CACNA2D2: variants seen among roughly 807,000 people sequenced by gnomAD.
CACNA2D2 encodes calcium voltage-gated channel auxiliary subunit alpha2delta 2, also known as voltage-dependent calcium channel subunit alpha-2/delta-2.
A neutral mutation model predicts 166.4 loss-of-function variants in CACNA2D2; 48 were observed. That is an observed-to-expected ratio of 0.29 (90% CI 0.23 to 0.37). CACNA2D2 has a LOEUF of 0.37. Among genes scored for constraint, CACNA2D2 ranks in the 10% least tolerant of loss-of-function variants. The pLI is 1.00. For synonymous variants in CACNA2D2, 561 were observed against 573.7 expected (o/e 0.98, Z 0.32); for missense variants, 1,122 against 1,433.0 (o/e 0.78, Z 3.50).
intron 2 of CACNA2D2, among the ~76,000 whole-genome samples, chr3:50,462,044 G>A (rs1413148759): frequency 1.3e-5 from 2 of 152,272 alleles, no homozygotes; most frequent in African/African-American, 4.8e-5. Context: ...AAAGTGGCGG[G>A]GAGTTGGGGG....
chr3:50,449,422 G>C (rs1312258875), intron 2 of CACNA2D2, among the ~76,000 whole-genome samples: 1 of 152,178 alleles, frequency 6.6e-6, no homozygotes, highest in African/African-American at 2.4e-5. Context: ...GAGAGCTGGG[G>C]GATGGGCCAC....
intron 3 of CACNA2D2, among the ~76,000 whole-genome samples, chr3:50,395,047 T>C (rs1246579664): frequency 6.6e-6 from 1 of 151,988 alleles, no homozygotes; most frequent in African/African-American, 2.4e-5. Context: ...TTTCTAAGGA[T>C]CCCTTCTCTA....
intron 3 of CACNA2D2, among the ~76,000 whole-genome samples, chr3:50,430,791 A>G (rs1324744703): frequency 1.3e-5 from 2 of 152,246 alleles, no homozygotes; most frequent in Middle Eastern, 3.4e-3. Context: ...ACTCTGAGAG[A>G]GTGGGCCTTA....
Position 50,380,789 on chromosome 3 carries a change from G to A in CACNA2D2, c.801C>T (p.Ala267=). The A allele has an allele frequency of 6.5e-7, 1 of 1,546,836 alleles. No homozygotes were observed. The highest frequency in any genetic ancestry group is 8.7e-7 in the Non-Finnish European group (1 of 1,146,862). The change falls in exon 8 of 38, where the codon GCC becomes GCT. Residue 267 remains alanine (A), a synonymous_variant. Transcript: ENST00000424201. The surrounding 1 kb of genome is among the most constrained non-coding windows in gnomAD (Gnocchi z 4.9). ...CATCGTACAGGTCGATCTTCTTGGG[G>A]GCTCGCCACGGGGTGGCTGAGGGAG... ...TRYYPATPWR[A]PKKIDLYDVR...
intron 3 of CACNA2D2, among the ~76,000 whole-genome samples, chr3:50,409,858 G>T (rs561533595): frequency 6.6e-6 from 1 of 152,198 alleles, no homozygotes; most frequent in African/African-American, 2.4e-5. Flanking sequence ...TGGACCCAGC[G>T]GGCACGAGGA....
chr3:50,459,531 G>T (rs1394840577), intron 2 of CACNA2D2, among the ~76,000 whole-genome samples: 1 of 152,158 alleles, frequency 6.6e-6, no homozygotes, highest in Non-Finnish European at 1.5e-5. Flanking sequence ...TGGCACTACA[G>T]GGTGTCACAC....
At chr3:50,402,009 G>A (rs976258681) in intron 3 of CACNA2D2, among the ~76,000 whole-genome samples, 1 of 152,190 alleles carries the variant, frequency 6.6e-6, no homozygotes, top group African/African-American at 2.4e-5. Flanking sequence ...CACTGCATCC[G>A]GCCAAAGTGG....
intron 1 of CACNA2D2, among the ~76,000 whole-genome samples, chr3:50,497,490 C>T (rs1698771108): frequency 6.6e-6 from 1 of 152,216 alleles, no homozygotes; most frequent in Non-Finnish European, 1.5e-5. Flanking sequence ...ACAGTGATGG[C>T]TGGGGACCCA....
chr3:50,468,379 T>TTGTG (rs1559978358), intron 2 of CACNA2D2, among the ~76,000 whole-genome samples: 699 of 68,880 alleles, frequency 0.01, 22 homozygotes, highest in African/African-American at 0.032. Flanking sequence ...TTCATCAGAA[T>TTGTG]AGTGTGTGTG....
At chr3:50,448,194 G>A (rs950192040) in intron 2 of CACNA2D2, among the ~76,000 whole-genome samples, 25 of 152,166 alleles carry the variant, frequency 1.6e-4, no homozygotes, top group African/African-American at 6.0e-4. Flanking sequence ...TTACCAGTTA[G>A]GCCTGGGTAT....
chr3:50,398,913 C>T (rs908519320), intron 3 of CACNA2D2, among the ~76,000 whole-genome samples: 5 of 152,208 alleles, frequency 3.3e-5, no homozygotes, highest in African/African-American at 4.8e-5. Context: ...GGGCTGGGGA[C>T]AATACTCCCC....
At chr3:50,411,032 G>A (rs1348322667) in intron 3 of CACNA2D2, among the ~76,000 whole-genome samples, 1 of 152,200 alleles carries the variant, frequency 6.6e-6, no homozygotes, top group Non-Finnish European at 1.5e-5. Context: ...CTCCCCTCCT[G>A]AGGCACAGGC....
chr3:50,448,379 C>T (rs1425232147), intron 2 of CACNA2D2, among the ~76,000 whole-genome samples: 2 of 152,116 alleles, frequency 1.3e-5, no homozygotes, highest in Non-Finnish European at 2.9e-5. Flanking sequence ...GCCATAAACC[C>T]AGATGATGCA....
intron 3 of CACNA2D2, among the ~76,000 whole-genome samples, chr3:50,412,689 T>A (rs1707075764): frequency 6.6e-6 from 1 of 152,212 alleles, no homozygotes; most frequent in Admixed American, 6.5e-5. Flanking sequence ...TTCTATTTTA[T>A]TTTTTTAGCT....
intron 3 of CACNA2D2, among the ~76,000 whole-genome samples, chr3:50,399,929 G>A (rs2106755264): frequency 6.6e-6 from 1 of 152,236 alleles, no homozygotes; most frequent in Non-Finnish European, 1.5e-5. Flanking sequence ...ACAAGCCTTG[G>A]TATCACTGGA....
rs375057280 is a variant in CACNA2D2, at chr3:50,365,833, G to A, written c.2892C>T (p.Ala964=). 8.1e-6 allele frequency: 13 copies of A among 1,613,440 alleles called. No individual in the cohort carries two copies. Among genetic ancestry groups the A allele is most frequent in the African/African-American group, 1.3e-5 (1 of 75,044 alleles). The change falls in exon 33 of 38, where the codon GCC becomes GCT. Residue 964 remains alanine, a synonymous_variant. Coordinates refer to ENST00000424201, the MANE Select transcript of CACNA2D2 (RefSeq NM_006030.4). This position sits in a 1 kb window ranked among gnomAD's most constrained non-coding sequence, Gnocchi z 4.5. ...ACCAGGCGGCAGCAGAGGTCCACCA[G>A]GCCAGGTTAAGGAAATCTGCAACGG... is the stretch of plus-strand genomic sequence containing the variant. ...VPTVADFLNL[A]WWTSAAAWSL...
intron 2 of CACNA2D2, among the ~76,000 whole-genome samples, chr3:50,467,458 C>T (rs150644530): frequency 6.6e-6 from 1 of 152,196 alleles, no homozygotes; most frequent in African/African-American, 2.4e-5. Context: ...GTCCTCAGAG[C>T]ACTGCCGCTT....
At chr3:50,457,492 G>A (rs1417537528) in intron 2 of CACNA2D2, among the ~76,000 whole-genome samples, 1 of 152,164 alleles carries the variant, frequency 6.6e-6, no homozygotes, top group Non-Finnish European at 1.5e-5. Flanking sequence ...CCCTCTCTCA[G>A]GGGCCAATGT....
intron 3 of CACNA2D2, among the ~76,000 whole-genome samples, chr3:50,420,766 C>A (rs1467782585): frequency 6.6e-6 from 1 of 152,202 alleles, no homozygotes; most frequent in African/African-American, 2.4e-5. Context: ...CACAGCCCAT[C>A]CATGTGTGGC....
Sources: gnomAD v4.1 joint callset for allele counts (sites outside exome capture counted in the v4.1 genomes callset) on GRCh38, gnomAD v4.1.1 for gene constraint, Gnocchi (gnomAD v3.1) non-coding constraint, MANE v1.5 for transcripts, NCBI Gene and HGNC (gene_info 2026-07-23, HGNC 2026-07-21) for gene names.